ERC2: variants seen among roughly 807,000 people sequenced by gnomAD.
ERC2 encodes ELKS/RAB6-interacting/CAST family member 2, also known as ERC protein 2.
ERC2 carries 42 observed loss-of-function variants against 114.8 expected under a neutral mutation model. The ratio of observed to expected loss-of-function variants is 0.37; its 90% confidence interval spans 0.29 to 0.47. The LOEUF is 0.47. Ranked by LOEUF, ERC2 falls within the 20% of genes least tolerant of loss-of-function variation. The probability of loss-of-function intolerance (pLI) is 0.99; values close to 1 mark genes in which losing one functional copy is unlikely to be tolerated. For missense variants in ERC2, 939 were observed against 1,150.7 expected (o/e 0.82, Z 2.66); for synonymous variants, 454 against 425.5 (o/e 1.07, Z -0.82).
chr3:56,353,622 A>C (rs897447641), intron 2 of ERC2, among the ~76,000 whole-genome samples: 2 of 118,948 alleles, frequency 1.7e-5, no homozygotes, highest in Non-Finnish European at 3.2e-5. Flanking sequence ...ACTTGGACAC[A>C]GGGAGGGGAA....
At chr3:55,978,025 G>C (rs145654467) in intron 12 of ERC2, among the ~76,000 whole-genome samples, 1 of 152,284 alleles carries the variant, frequency 6.6e-6, no homozygotes, top group African/African-American at 2.4e-5. Flanking sequence ...TGTCTCTCAC[G>C]ATGCTGCTTC....
intron 17 of ERC2, among the ~76,000 whole-genome samples, chr3:55,599,149 T>C (rs1358114128): frequency 1.3e-5 from 2 of 152,214 alleles, no homozygotes; most frequent in Non-Finnish European, 2.9e-5. Context: ...GTTGAATAAA[T>C]GACTAATAAC....
chr3:55,859,413 G>T lies in ERC2; in HGVS notation c.2564+28976C>A, dbSNP rs184331821. On this transcript the variant is annotated intron_variant, in intron 14 of 17. Coordinates refer to ENST00000288221, the MANE Select transcript of ERC2 (RefSeq NM_015576.3). ...GCAGTGTGGCCAAGTCAGTGGAGGG[G>T]CTGCTAAAGCTGTCTTCGTGTTTGT... 4.5e-3 allele frequency among the ~76,000 whole-genome samples: 689 copies of T among 152,112 alleles called. 2 individuals are homozygous for T. The highest frequency in any genetic ancestry group is 6.3e-3 in the Non-Finnish European group (431 of 67,998).
chr3:56,179,781 G>A (rs765063376), intron 3 of ERC2, among the ~76,000 whole-genome samples: 12 of 151,892 alleles, frequency 7.9e-5, no homozygotes, highest in Non-Finnish European at 1.6e-4. Context: ...TTTTGGTTTT[G>A]TATGTGTTAA....
chr3:56,203,465 A>G (rs968157276), intron 3 of ERC2, among the ~76,000 whole-genome samples: 10 of 152,204 alleles, frequency 6.6e-5, no homozygotes, highest in African/African-American at 2.4e-5. Flanking sequence ...AAGTTATCGT[A>G]TACTCTCCAA....
intron 15 of ERC2, among the ~76,000 whole-genome samples, chr3:55,718,604 C>T (rs1472022436): frequency 6.6e-6 from 1 of 152,202 alleles, no homozygotes; most frequent in Admixed American, 6.5e-5. Flanking sequence ...GAATGCCTGA[C>T]TTCCAGCCAG....
At chr3:55,875,271 A>G (rs1040729106) in intron 14 of ERC2, among the ~76,000 whole-genome samples, 3 of 152,228 alleles carry the variant, frequency 2.0e-5, no homozygotes, top group Non-Finnish European at 4.4e-5. Context: ...AACTGAACAC[A>G]AAAACACCAA....
intron 14 of ERC2, among the ~76,000 whole-genome samples, chr3:55,763,144 G>T (rs1211181256): frequency 6.6e-6 from 1 of 152,212 alleles, no homozygotes; most frequent in Non-Finnish European, 1.5e-5. Flanking sequence ...GAAAGCACTG[G>T]CAAATGCTCA....
chr3:56,425,352 C>A (rs1166403771), intron 2 of ERC2, among the ~76,000 whole-genome samples: 1 of 152,110 alleles, frequency 6.6e-6, no homozygotes, highest in Non-Finnish European at 1.5e-5. Context: ...CCCTAGGGTA[C>A]TGGCAACCAA....
intron 15 of ERC2, among the ~76,000 whole-genome samples, chr3:55,718,112 T>C (rs1226713231): frequency 1.3e-5 from 2 of 152,140 alleles, no homozygotes; most frequent in Non-Finnish European, 2.9e-5. Context: ...ACCCAAGCAG[T>C]GAAAAATTGT....
chr3:55,998,370 G>A (rs2071768815), intron 10 of ERC2, among the ~76,000 whole-genome samples: 1 of 151,992 alleles, frequency 6.6e-6, no homozygotes, highest in Non-Finnish European at 1.5e-5. Flanking sequence ...CCTAAAATTA[G>A]CAATGTAGAG....
Position 55,683,751 on chromosome 3 carries a change from A to G in ERC2, c.*39+43T>C, listed in dbSNP as rs931719106. ...AGCACGCACACAATACAACACTAGA[A>G]TGCAATTTTTTAATAAAAATGATAT... On this transcript the variant is annotated intron_variant, in intron 17 of 17. Transcript: ENST00000288221. 1.5e-5 allele frequency: 22 copies of G among 1,509,358 alleles called. No homozygotes were observed. The African/African-American group carries it at 2.9e-4, about 20-fold the overall frequency. The allele number at this position is 1,509,358 out of a possible 1,614,324, so 93.5% of individuals were successfully genotyped here.
At chr3:55,539,101 A>G (rs1034850952) in intron 17 of ERC2, among the ~76,000 whole-genome samples, 1 of 152,222 alleles carries the variant, frequency 6.6e-6, no homozygotes, top group Non-Finnish European at 1.5e-5. Context: ...CACACTGATA[A>G]TAAGAGAGAA....
chr3:56,264,005 A>G (rs2053123360), intron 3 of ERC2, among the ~76,000 whole-genome samples: 1 of 152,200 alleles, frequency 6.6e-6, no homozygotes, highest in African/African-American at 2.4e-5. Flanking sequence ...AACACATGCA[A>G]GTAAATTAAT....
intron 14 of ERC2, among the ~76,000 whole-genome samples, chr3:55,795,431 TC>T (rs1320940765): frequency 4.6e-5 from 7 of 152,186 alleles, no homozygotes; most frequent in African/African-American, 1.7e-4. Context: ...AACACTGGGA[TC>T]CTGCTGTCAT....
chr3:56,230,858 C>T lies in ERC2; in HGVS notation c.1075-57338G>A, dbSNP rs137862823. On this transcript the variant is annotated intron_variant, in intron 3 of 17. Coordinates refer to ENST00000288221, the MANE Select transcript of ERC2 (RefSeq NM_015576.3). ...GCCACTTCTCTCAGTATCTCCAGGACACACATTACCTCTTATACATATTAT... is the reference window on the plus strand; with the variant it reads ...GCCACTTCTCTCAGTATCTCCAGGATACACATTACCTCTTATACATATTAT... Among the ~76,000 whole-genome samples the T allele has an allele frequency of 1.4e-3, 212 of 152,308 alleles. 1 individual carries two copies. The highest frequency in any genetic ancestry group is 4.9e-3 in the African/African-American group (205 of 41,576).
At chr3:56,109,011 ACT>A (rs1361082614) in intron 6 of ERC2, among the ~76,000 whole-genome samples, 1 of 152,036 alleles carries the variant, frequency 6.6e-6, no homozygotes, top group Non-Finnish European at 1.5e-5. Flanking sequence ...ATCAAAATAG[ACT>A]CTTTTTTTAA....
At chr3:55,716,568 G>A (rs904913740) in intron 15 of ERC2, among the ~76,000 whole-genome samples, 1 of 152,206 alleles carries the variant, frequency 6.6e-6, no homozygotes, top group Non-Finnish European at 1.5e-5. Context: ...CAAGCCGCTT[G>A]ATATCAAGGA....
chr3:55,775,396 G>T (rs1280206701), intron 14 of ERC2, among the ~76,000 whole-genome samples: 1 of 152,006 alleles, frequency 6.6e-6, no homozygotes. Flanking sequence ...GCCTGGCGCG[G>T]TTGTGCATGC....
Sources: allele counts gnomAD v4.1 joint callset (sites outside exome capture counted in the v4.1 genomes callset), GRCh38; gene constraint gnomAD v4.1.1; transcripts MANE v1.5; gene names NCBI Gene and HGNC (gene_info 2026-07-23, HGNC 2026-07-21).